Variants in RASSF4 observed in about 807,000 individuals in gnomAD.
RASSF4 encodes Ras association domain family member 4.
A neutral mutation model predicts 41.1 loss-of-function variants in RASSF4; 38 were observed. The ratio of observed to expected loss-of-function variants is 0.92; its 90% confidence interval spans 0.71 to 1.21. RASSF4 has a LOEUF of 1.21. Among genes scored for constraint, RASSF4 ranks in the 50% most tolerant of loss-of-function variants. The pLI is 0.00. For synonymous variants in RASSF4, 179 were observed against 163.4 expected (o/e 1.10, Z -0.73); for missense variants, 414 against 419.4 (o/e 0.99, Z 0.11).
intron 2 of RASSF4, chr10:44,971,395 A>G (rs1564453961): frequency 1.2e-5 from 5 of 434,420 alleles, no homozygotes; most frequent in Non-Finnish European, 1.8e-5. Flanking sequence ...GAAAAGCAAG[A>G]GGCTGTACAA....
intron 9 of RASSF4, chr10:44,991,381 T>C (rs1355746357): frequency 3.8e-6 from 1 of 264,088 alleles, no homozygotes; most frequent in Non-Finnish European, 7.2e-6. Flanking sequence ...GAGAGACCTA[T>C]GCAAAGGCTT....
At chr10:44,970,135 C>T in intron 1 of RASSF4, 30 bp from the exon 2 acceptor site, 6 of 1,397,252 alleles carry the variant, frequency 4.3e-6, no homozygotes, top group Non-Finnish European at 6.1e-6. Context: ...TCTGGCTCAC[C>T]TGTCTGTCCA....
At chr10:44,965,447 A>G (rs940026291) in intron 1 of RASSF4, among the ~76,000 whole-genome samples, 1 of 152,252 alleles carries the variant, frequency 6.6e-6, no homozygotes, top group Non-Finnish European at 1.5e-5. Flanking sequence ...CACTTCTTTC[A>G]GGATGGGCAA....
In RASSF4 at chr10:44,980,229, G is replaced by A. The variant is rs1841646805; in HGVS notation, c.139-2292G>A. Among the ~76,000 whole-genome samples, 4 of 152,356 alleles carry A rather than the reference G, an allele frequency of 2.6e-5. No individual in the cohort carries two copies. The South Asian group carries it at 8.3e-4, about 32-fold the overall frequency. On this transcript the variant is annotated intron_variant, in intron 3 of 10. Transcript: ENST00000340258. ...GCACAAAGGCATCGGGGCAGGGAGT[G>A]CCTGAGACAGTGACCAGGATTTCAG...
At chr10:44,988,820 A>C (rs934304310) in intron 6 of RASSF4, among the ~76,000 whole-genome samples, 1 of 152,246 alleles carries the variant, frequency 6.6e-6, no homozygotes, top group Non-Finnish European at 1.5e-5. Flanking sequence ...AGAGGGACTG[A>C]GACCAGAAGG....
In RASSF4 at chr10:44,993,301, G is replaced by A. The variant is rs531603450; in HGVS notation, c.938G>A (p.Arg313His). The A allele has an allele frequency of 4.2e-5, 68 of 1,607,480 alleles. No homozygotes were observed. The highest frequency in any genetic ancestry group is 3.5e-4 in the South Asian group (32 of 90,910). The stretch of plus-strand genomic sequence containing the variant: ...GCCCTGCGTCTGACGATGCTGCAGC[G>A]CCTGGAGCAGCTGGTGGAGGCCAAG... Reference protein sequence around the residue: ...FQALRLTMLQRLEQLVEAK With the variant: ...FQALRLTMLQHLEQLVEAK Residue 313 changes from arginine (R) to histidine (H), a missense_variant, in exon 11 of 11, where the codon CGC becomes CAC. Physicochemically the swap from Arg to His is conservative, Grantham distance 29 (BLOSUM62 0). Transcript: ENST00000340258.
At position 44,984,088 on chromosome 10, in the gene RASSF4, G is replaced by C; in HGVS notation, c.348G>C (p.Lys116Asn). ...GGCCAAGCATTCAGCCAGTGCACAAGGCTGAGAGTTCCACAGACAGCTCGG... is the reference window on the plus strand; with the variant it reads ...GGCCAAGCATTCAGCCAGTGCACAACGCTGAGAGTTCCACAGACAGCTCGG... ...AQGPSIQPVH[K>N]AESSTDSSGP... The change falls in exon 5 of 11, where the codon AAG becomes AAC. Residue 116 changes from lysine (K) to asparagine (N), a missense_variant. Transcript: ENST00000340258. 3 of 1,605,418 alleles carry C rather than the reference G, an allele frequency of 1.9e-6. No individual in the cohort carries two copies. Among genetic ancestry groups the C allele is most frequent in the Non-Finnish European group, 1.7e-6 (2 of 1,176,212 alleles).
At chr10:44,981,559 T>C (rs1841708676) in intron 3 of RASSF4, 1 of 152,234 alleles carries the variant, frequency 6.6e-6, no homozygotes, top group South Asian at 2.1e-4. Context: ...TCAAAGTTAA[T>C]TGTGGGAAGA....
chr10:44,980,477 A>C (rs1841662102), intron 3 of RASSF4, among the ~76,000 whole-genome samples: 1 of 152,124 alleles, frequency 6.6e-6, no homozygotes, highest in Admixed American at 6.5e-5. Flanking sequence ...TGCTGGGGGC[A>C]CACACATCAC....
At chr10:44,984,758 A>G (rs2132795883) in intron 5 of RASSF4, 55 bp from the exon 6 acceptor site, 2 of 1,593,846 alleles carry the variant, frequency 1.3e-6, no homozygotes, top group Non-Finnish European at 8.6e-7. Context: ...GACAGCAGGC[A>G]GTTGCTCTGT....
chr10:44,966,798 T>C (rs1349856374), intron 1 of RASSF4, among the ~76,000 whole-genome samples: 3 of 152,202 alleles, frequency 2.0e-5, no homozygotes, highest in African/African-American at 7.2e-5. Context: ...CTTAGCCAGC[T>C]TGGCCCACAC....
chr10:44,989,152 T>C (rs1842019066), intron 6 of RASSF4, 122 bp from the exon 7 acceptor site: 1 of 637,676 alleles, frequency 1.6e-6, no homozygotes, highest in African/African-American at 1.8e-5. Flanking sequence ...TCAGCGTGAA[T>C]GGACAGGTGC....
In RASSF4 at chr10:44,993,696, CCT is replaced by C. The variant is rs1462437313; in HGVS notation, c.*368_*369del. On this transcript the variant is annotated 3_prime_UTR_variant, in exon 11 of 11. Transcript: ENST00000340258. ...CAGAGCCCCTGTGGGTCCACAAGCCCCTGTCCTCTTCCTTCATATGAGATTCT... is the reference window on the plus strand; with the variant it reads ...CAGAGCCCCTGTGGGTCCACAAGCCCGTCCTCTTCCTTCATATGAGATTCT... 5 of 223,368 alleles carry C rather than the reference CCT, an allele frequency of 2.2e-5. No homozygotes were observed. The highest frequency in any genetic ancestry group is 5.1e-5 in the Admixed American group (1 of 19,748). 13.8% of individuals were successfully genotyped at this position (223,368 alleles called of 1,614,324 possible).
chr10:44,987,076 C>G lies in RASSF4; in HGVS notation c.531+2106C>G, dbSNP rs146737752. ...GTGTCTTGTTAACAAGACTTTTTGT[C>G]CCTTTGAAATAGCCTAACTCCTCTG... is the stretch of plus-strand genomic sequence containing the variant. On this transcript the variant is annotated intron_variant, in intron 6 of 10. Coordinates refer to ENST00000340258, the MANE Select transcript of RASSF4 (RefSeq NM_032023.4). Among the ~76,000 whole-genome samples, 8 of 152,240 alleles carry G rather than the reference C, an allele frequency of 5.3e-5. No individual in the cohort carries two copies. The East Asian group carries it at 1.5e-3, about 29-fold the overall frequency.
At chr10:44,969,380 G>A (rs1002751360) in intron 1 of RASSF4, among the ~76,000 whole-genome samples, 10 of 152,124 alleles carry the variant, frequency 6.6e-5, no homozygotes, top group Non-Finnish European at 1.2e-4. Context: ...TGTGTGAACC[G>A]CGTGTGTGTG....
chr10:44,990,978 C>T lies in RASSF4; in HGVS notation c.716C>T (p.Pro239Leu), dbSNP rs749423294. 17 of 1,613,490 alleles carry T rather than the reference C, an allele frequency of 1.1e-5. No individual in the cohort carries two copies. The highest frequency in any genetic ancestry group is 8.9e-5 in the East Asian group (4 of 44,878). ...ERTKLKDCEYPLISRILHGPC... is the reference protein window; with the variant it reads ...ERTKLKDCEYLLISRILHGPC... Reference sequence around the variant, plus strand: ...ACAAAATTAAAAGACTGCGAGTACCCGCTGATTTCCAGAATCCTGCATGGG... The same window carrying T: ...ACAAAATTAAAAGACTGCGAGTACCTGCTGATTTCCAGAATCCTGCATGGG... The change falls in exon 9 of 11, where the codon CCG becomes CTG. Residue 239 changes from proline to leucine, a missense_variant. Transcript: ENST00000340258.
chr10:44,960,447 A>G (rs1400474313), intron 1 of RASSF4, among the ~76,000 whole-genome samples: 1 of 152,204 alleles, frequency 6.6e-6, no homozygotes, highest in African/African-American at 2.4e-5. Context: ...TTGGTGATGG[A>G]GCCAGGATTT....
In RASSF4 at chr10:44,978,150, C is replaced by T. The variant is rs567348569; in HGVS notation, c.139-4371C>T. The T allele has an allele frequency of 5.5e-5, 66 of 1,205,504 alleles. No individual in the cohort carries two copies. In the African/African-American group the frequency reaches 7.4e-4, roughly 14 times the overall value. 74.7% of individuals were successfully genotyped at this position (1,205,504 alleles called of 1,614,324 possible). A position where few individuals can be genotyped will look rare whatever the true frequency, so the allele number is the denominator to read the frequency against. Reference sequence around the variant, plus strand: ...TCCTCTGGGGCTGCCTGTAGGAATCCGGTGCCCTGAGAGCAATTTGAAGTC... The same window carrying T: ...TCCTCTGGGGCTGCCTGTAGGAATCTGGTGCCCTGAGAGCAATTTGAAGTC... On this transcript the variant is annotated intron_variant, in intron 3 of 10. Coordinates refer to ENST00000340258, the MANE Select transcript of RASSF4 (RefSeq NM_032023.4).
chr10:44,991,198 G>T, intron 9 of RASSF4, 129 bp downstream of exon 9: 1 of 849,868 alleles, frequency 1.2e-6, no homozygotes, highest in South Asian at 3.0e-5. Flanking sequence ...TCTCCCAAAG[G>T]GCTCCCAGCC....
Sources: allele counts gnomAD v4.1 joint callset (sites outside exome capture counted in the v4.1 genomes callset), GRCh38; gene constraint gnomAD v4.1.1; transcripts MANE v1.5; gene names NCBI Gene and HGNC (gene_info 2026-07-23, HGNC 2026-07-21).